CREB5: variants seen among roughly 807,000 people sequenced by gnomAD.
CREB5 encodes cAMP responsive element binding protein 5, also known as cyclic AMP-responsive element-binding protein 5.
In CREB5, 19 loss-of-function variants were observed where a neutral mutation model predicts 57.1. The ratio of observed to expected loss-of-function variants is 0.33; its 90% CI spans 0.23 to 0.49. The LOEUF (loss-of-function observed/expected upper bound fraction) is 0.49. CREB5 is among the 20% of genes least tolerant of loss of function. The probability of loss-of-function intolerance (pLI) is 0.99; values close to 1 mark genes in which losing one functional copy is unlikely to be tolerated. For missense variants in CREB5, 579 were observed against 671.6 expected (o/e 0.86, Z 1.52); for synonymous variants, 238 against 238.3 (o/e 1.00, Z 0.01).
Position 28,714,377 on chromosome 7 carries a change from C to T in CREB5, c.465-4376C>T, listed in dbSNP as rs74912600. Among the ~76,000 whole-genome samples the T allele has an allele frequency of 6.1e-3, 929 of 152,232 alleles. 53 individuals carry two copies. In the East Asian group the frequency reaches 0.15, roughly 24 times the overall value. On this transcript the variant is annotated intron_variant, in intron 5 of 10. Transcript: ENST00000357727. ...TCTCTTTCCTTTGCCTGGTCACATA[C>T]GTGGCAGATCTGTCTGTCCTGAGAG...
intron 4 of CREB5, among the ~76,000 whole-genome samples, chr7:28,536,147 G>T (rs1425285692): frequency 6.6e-6 from 1 of 152,138 alleles, no homozygotes; most frequent in Non-Finnish European, 1.5e-5. Flanking sequence ...TGAGAAACCA[G>T]CAAACAATGT....
chr7:28,318,325 A>G lies in CREB5; in HGVS notation c.-25+18884A>G, dbSNP rs770799742. 7.8e-4 allele frequency among the ~76,000 whole-genome samples: 119 copies of G among 152,366 alleles called. 2 individuals are homozygous for G. The highest frequency in any genetic ancestry group is 6.8e-3 in the Middle Eastern group (2 of 294). ...GTATTGGTTCCAAGAACAGGCGGCAATAATGATGCCTCAGCAAATAAGATG... is the reference window on the plus strand; with the variant it reads ...GTATTGGTTCCAAGAACAGGCGGCAGTAATGATGCCTCAGCAAATAAGATG... On this transcript the variant is annotated intron_variant, in intron 1 of 9. Coordinates refer to the CREB5 transcript ENST00000396299.
At position 28,786,440 on chromosome 7, in the gene CREB5, A is replaced by AT. The variant is rs753525440; in HGVS notation, c.703-17755dup. Among the ~76,000 whole-genome samples the AT allele has an allele frequency of 2.3e-4, 35 of 152,056 alleles. 1 individual carries two copies. The South Asian group carries it at 6.7e-3, about 29-fold the overall frequency. On this transcript the variant is annotated intron_variant, in intron 7 of 10. Coordinates refer to ENST00000357727, the MANE Select transcript of CREB5 (RefSeq NM_182898.4). The stretch of plus-strand genomic sequence containing the variant: ...TTTTTGGTATTTTTAGTAAAGATGG[A>AT]TTTTGCCATGTTGGCCAGGCTGGTC...
chr7:28,694,855 T>C (rs1206007001), intron 5 of CREB5, among the ~76,000 whole-genome samples: 4 of 152,214 alleles, frequency 2.6e-5, no homozygotes, highest in African/African-American at 9.6e-5. Context: ...CCCAGTCTTA[T>C]AATTCTAAAT....
chr7:28,790,395 T>C (rs1009149615), intron 7 of CREB5, among the ~76,000 whole-genome samples: 1 of 118,848 alleles, frequency 8.4e-6, no homozygotes, highest in Admixed American at 1.0e-4. Context: ...TGGAACGAAA[T>C]CAAAGGATAC....
At chr7:28,800,480 A>G (rs1416217138) in intron 7 of CREB5, among the ~76,000 whole-genome samples, 1 of 152,352 alleles carries the variant, frequency 6.6e-6, no homozygotes, top group African/African-American at 2.4e-5. Flanking sequence ...TCCCCTGAGC[A>G]TTAGACAGAC....
chr7:28,802,326 T>A (rs918735440), intron 7 of CREB5, among the ~76,000 whole-genome samples: 23 of 151,990 alleles, frequency 1.5e-4, no homozygotes, highest in African/African-American at 5.6e-4. Context: ...TTTTTATTTA[T>A]TTTTTTTCTT....
chr7:28,640,526 G>A (rs939878028), intron 5 of CREB5, among the ~76,000 whole-genome samples: 2 of 152,042 alleles, frequency 1.3e-5, no homozygotes, highest in Non-Finnish European at 2.9e-5. Context: ...GACTGCTTGC[G>A]ACAAAATTAG....
intron 5 of CREB5, among the ~76,000 whole-genome samples, chr7:28,600,390 C>A (rs1796871301): frequency 7.4e-6 from 1 of 136,042 alleles, no homozygotes; most frequent in Admixed American, 7.6e-5. Context: ...GCTCAGTGAA[C>A]CTGATGAGCA....
intron 4 of CREB5, among the ~76,000 whole-genome samples, chr7:28,557,542 A>T (rs1482046006): frequency 6.6e-6 from 1 of 152,192 alleles, no homozygotes. Context: ...CTTTTGGACC[A>T]GAATAAGTGA....
intron 1 of CREB5, among the ~76,000 whole-genome samples, chr7:28,315,064 T>C (rs1286231592): frequency 6.6e-6 from 1 of 152,218 alleles, no homozygotes; most frequent in African/African-American, 2.4e-5. Context: ...TAAGGGTATC[T>C]TATCTTATCC....
intron 5 of CREB5, among the ~76,000 whole-genome samples, chr7:28,637,822 T>C (rs1798483580): frequency 6.6e-6 from 1 of 152,174 alleles, no homozygotes; most frequent in Non-Finnish European, 1.5e-5. Context: ...AACAATGCAT[T>C]TATAGTTGTT....
intron 1 of CREB5, among the ~76,000 whole-genome samples, chr7:28,311,705 C>T (rs1785280215): frequency 1.3e-5 from 2 of 152,248 alleles, no homozygotes; most frequent in East Asian, 3.8e-4. Flanking sequence ...GGTCCTGGCT[C>T]TGCCATGCCT....
intron 1 of CREB5, among the ~76,000 whole-genome samples, chr7:28,380,916 G>T (rs188322284): frequency 1.1e-4 from 17 of 152,284 alleles, no homozygotes; most frequent in South Asian, 8.3e-4. Context: ...ATAGTAAGGG[G>T]TGGTTATTTG....
rs796964241 is a variant in CREB5 at position 28,343,631 on chromosome 7, A to C, written c.-25+44190A>C. Among the ~76,000 whole-genome samples, 38 of 152,318 alleles carry C rather than the reference A, an allele frequency of 2.5e-4. 1 individual carries two copies. The highest frequency in any genetic ancestry group is 8.9e-4 in the African/African-American group (37 of 41,558). On this transcript the variant is annotated intron_variant, in intron 1 of 9. Coordinates refer to the CREB5 transcript ENST00000396299. ...TCTTTATCCATTCATCTGTTGATGA[A>C]CACTTAGGTTGATTTCATATCTTGG...
chr7:28,759,457 T>C (rs1005612943), intron 7 of CREB5, among the ~76,000 whole-genome samples: 1 of 152,182 alleles, frequency 6.6e-6, no homozygotes, highest in Non-Finnish European at 1.5e-5. Flanking sequence ...CCAGAGCAGA[T>C]GTGCAGTGTT....
At chr7:28,484,270 A>C (rs991251564) in intron 1 of CREB5, among the ~76,000 whole-genome samples, 5 of 152,232 alleles carry the variant, frequency 3.3e-5, no homozygotes, top group Admixed American at 2.0e-4. Flanking sequence ...GTTTGAGAGA[A>C]TAATTATTAC....
chr7:28,489,171 T>C (rs1791692776), intron 2 of CREB5, among the ~76,000 whole-genome samples: 1 of 152,048 alleles, frequency 6.6e-6, no homozygotes, highest in African/African-American at 2.4e-5. Flanking sequence ...GTCTTTCAGG[T>C]GTGGCGAGTT....
intron 4 of CREB5, among the ~76,000 whole-genome samples, chr7:28,562,265 T>G (rs1795303709): frequency 6.6e-6 from 1 of 152,206 alleles, no homozygotes; most frequent in Non-Finnish European, 1.5e-5. Flanking sequence ...ATTAAGAAAC[T>G]GACCAGGAAG....
Sources: gnomAD v4.1 joint callset for allele counts (sites outside exome capture counted in the v4.1 genomes callset) on GRCh38, gnomAD v4.1.1 for gene constraint, MANE v1.5 for transcripts, NCBI Gene and HGNC (gene_info 2026-07-23, HGNC 2026-07-21) for gene names.